SNX13: variants seen among roughly 807,000 people sequenced by gnomAD.
SNX13 encodes the protein sorting nexin-13.
SNX13 carries 45 observed loss-of-function variants against 133.6 expected under a neutral mutation model. The observed-to-expected ratio is 0.34, with a 90% CI of 0.27 to 0.43. The LOEUF (loss-of-function observed/expected upper bound fraction) is 0.43, where lower values mean the gene tolerates loss of function less well. Among genes scored for constraint, SNX13 ranks in the 20% least tolerant of loss-of-function variants. The probability of loss-of-function intolerance (pLI) is 1.00; values close to 1 mark genes in which losing one functional copy is unlikely to be tolerated. For synonymous variants in SNX13, 414 were observed against 373.9 expected (o/e 1.11, Z -1.24); for missense variants, 1,032 against 1,145.1 (o/e 0.90, Z 1.43).
chr7:17,822,224 G>A (rs575299964), intron 17 of SNX13, among the ~76,000 whole-genome samples: 6 of 151,060 alleles, frequency 4.0e-5, no homozygotes, highest in Non-Finnish European at 7.4e-5. Context: ...AAGCATTTTC[G>A]CATTACTTTG....
chr7:17,833,115 C>G (rs1279342063), intron 15 of SNX13, among the ~76,000 whole-genome samples: 4 of 151,502 alleles, frequency 2.6e-5, no homozygotes, highest in African/African-American at 7.3e-5. Flanking sequence ...ACTTCATTCA[C>G]TTGGTAGAAC....
intron 4 of SNX13, 81 bp downstream of exon 4, chr7:17,891,465 A>G: frequency 1.0e-6 from 1 of 1,003,974 alleles, no homozygotes; most frequent in Non-Finnish European, 1.5e-6. Flanking sequence ...TTAAAGAGCA[A>G]AAAGTATTTC....
intron 12 of SNX13, among the ~76,000 whole-genome samples, chr7:17,844,924 C>T (rs1161815302): frequency 6.6e-6 from 1 of 151,942 alleles, no homozygotes; most frequent in African/African-American, 2.4e-5. Context: ...TGAAAAATCC[C>T]ACAGTGAATA....
At chr7:17,917,827 C>T (rs7793100) in intron 1 of SNX13, among the ~76,000 whole-genome samples, 57 of 152,198 alleles carry the variant, frequency 3.7e-4, no homozygotes, top group Non-Finnish European at 1.5e-5. Flanking sequence ...ACAAAAGAGC[C>T]TGAATAGCCA....
intron 19 of SNX13, among the ~76,000 whole-genome samples, chr7:17,815,325 T>C (rs911519132): frequency 6.6e-6 from 1 of 152,192 alleles, no homozygotes; most frequent in Non-Finnish European, 1.5e-5. Context: ...GGCTCATGCC[T>C]GTAACCCCAG....
chr7:17,867,914 T>C lies in SNX13; in HGVS notation c.837+493A>G, dbSNP rs140183897. On this transcript the variant is annotated intron_variant, in intron 9 of 25. Coordinates refer to ENST00000428135, the MANE Select transcript of SNX13 (RefSeq NM_015132.5). ...GTGGACTTAGTAATAACTAAGTCTT[T>C]GATATGTCTGACAGAAGAAAACTAT... Among the ~76,000 whole-genome samples the C allele has an allele frequency of 6.8e-3, 1,040 of 152,210 alleles. 8 individuals carry two copies. The highest frequency in any genetic ancestry group is 0.021 in the South Asian group (101 of 4,818).
At chr7:17,795,847 T>C (rs892530959) in intron 25 of SNX13, 1 of 151,826 alleles carries the variant, frequency 6.6e-6, no homozygotes, top group Admixed American at 6.6e-5. Context: ...TAAAATGTCA[T>C]TTCTATAATT....
chr7:17,798,942 A>G, intron 23 of SNX13, 67 bp downstream of exon 23: 8 of 1,533,448 alleles, frequency 5.2e-6, no homozygotes, highest in Non-Finnish European at 7.0e-6. Flanking sequence ...TGAGCAATCT[A>G]CTTCCAGAAG....
chr7:17,831,435 G>C, intron 15 of SNX13: 1 of 919,186 alleles, frequency 1.1e-6, no homozygotes, highest in Non-Finnish European at 1.3e-6. Context: ...TGAATAAAGA[G>C]AAAGGGCAAA....
At chr7:17,862,895 A>G (rs1792891151) in intron 9 of SNX13, among the ~76,000 whole-genome samples, 1 of 152,184 alleles carries the variant, frequency 6.6e-6, no homozygotes, top group Non-Finnish European at 1.5e-5. Context: ...GTGAGTGATC[A>G]CAGTACCCGG....
intron 1 of SNX13, among the ~76,000 whole-genome samples, chr7:17,931,473 G>C (rs1206563764): frequency 6.6e-6 from 1 of 152,132 alleles, no homozygotes; most frequent in African/African-American, 2.4e-5. Context: ...TGAATCCAAA[G>C]GCCATTCTCC....
At chr7:17,873,176 G>C (rs143299527) in intron 8 of SNX13, among the ~76,000 whole-genome samples, 2 of 152,294 alleles carry the variant, frequency 1.3e-5, no homozygotes, top group Non-Finnish European at 2.9e-5. Context: ...AAGTTCCCCC[G>C]AAGCTTGGGT....
In SNX13 at chr7:17,894,252, G is replaced by A. The variant is rs192750338; in HGVS notation, c.126-818C>T. Among the ~76,000 whole-genome samples the A allele has an allele frequency of 2.4e-3, 363 of 151,762 alleles. 2 individuals are homozygous for A. The highest frequency in any genetic ancestry group is 1.7e-3 in the Non-Finnish European group (117 of 67,964). ...GGGGAGGCAGAGGATGCAGTGAGCC[G>A]AGATCGCGCCACTGCACTCTAGCGA... On this transcript the variant is annotated intron_variant, in intron 2 of 25. Transcript: ENST00000428135.
intron 11 of SNX13, among the ~76,000 whole-genome samples, chr7:17,846,531 C>T (rs1208036723): frequency 6.6e-6 from 1 of 152,022 alleles, no homozygotes; most frequent in Admixed American, 6.6e-5. Context: ...TCTCTATATT[C>T]CCAAATTCAT....
chr7:17,851,064 A>G (rs1280193630), intron 9 of SNX13, 100 bp from the exon 10 acceptor site: 8 of 1,228,922 alleles, frequency 6.5e-6, no homozygotes, highest in Non-Finnish European at 7.9e-6. Flanking sequence ...AATTTGCTAC[A>G]TACTCAGTGC....
At chr7:17,823,699 T>C (rs991048333) in intron 17 of SNX13, among the ~76,000 whole-genome samples, 18 of 152,344 alleles carry the variant, frequency 1.2e-4, no homozygotes, top group Admixed American at 2.6e-4. Context: ...CAGAGACTTA[T>C]GCAAATTAAA....
At position 17,792,249 on chromosome 7, in the gene SNX13, A is replaced by T. The variant is rs1583424374; in HGVS notation, c.*1796T>A. On this transcript the variant is annotated 3_prime_UTR_variant, in exon 26 of 26. Transcript: ENST00000428135. ...ATGTTTCAAACATTTTCACTTTTAA[A>T]GCCTGGGGCTCAGGGAGGGGCCAAG... 4 of 152,086 alleles carry T rather than the reference A, an allele frequency of 2.6e-5. No individual in the cohort carries two copies. In the South Asian group the frequency reaches 8.3e-4, roughly 32 times the overall value. 9.4% of individuals were successfully genotyped at this position (152,086 alleles called of 1,614,324 possible).
chr7:17,821,664 G>A lies in SNX13; in HGVS notation c.1706-16C>T, dbSNP rs1371163754. ...TTACAAACGCCTGCCACAGCATATG[G>A]GTCATAGTCAGCATATACTAATCAT... On this transcript the variant is annotated splice_polypyrimidine_tract_variant and intron_variant, in intron 17 of 25. Coordinates refer to ENST00000428135, the MANE Select transcript of SNX13 (RefSeq NM_015132.5). 1.9e-6 allele frequency: 3 copies of A among 1,610,346 alleles called. No homozygotes were observed. The African/African-American group carries it at 4.0e-5, about 22-fold the overall frequency.
chr7:17,892,041 C>A (rs370525633), intron 3 of SNX13, among the ~76,000 whole-genome samples: 2 of 151,902 alleles, frequency 1.3e-5, no homozygotes, highest in East Asian at 3.9e-4. Context: ...AATTTTTAAA[C>A]GGATTTTATG....
Sources: allele counts gnomAD v4.1 joint callset (sites outside exome capture counted in the v4.1 genomes callset), GRCh38; gene constraint gnomAD v4.1.1; transcripts MANE v1.5; gene names NCBI Gene and HGNC (gene_info 2026-07-23, HGNC 2026-07-21).